The following TRPM5 variants were observed in gnomAD, a reference collection of about 807,000 sequenced individuals.
TRPM5 encodes the protein transient receptor potential cation channel subfamily M member 5.
Under a neutral mutation model 124.9 loss-of-function variants are expected in TRPM5, and 121 were observed. That is an observed-to-expected ratio of 0.97 (90% CI 0.84 to 1.13). TRPM5 has a LOEUF of 1.13. TRPM5 is among the 50% of genes most tolerant of loss of function. The pLI, the probability that TRPM5 is intolerant of heterozygous loss-of-function variation, is 0.00. For missense variants in TRPM5, 1,643 were observed against 1,589.1 expected (o/e 1.03, Z -0.58); for synonymous variants, 781 against 700.5 (o/e 1.11, Z -1.81).
At chr11:2,438,484 G>A in the TRPM5 span, among the ~76,000 whole-genome samples, 1 of 152,094 alleles carries the variant, frequency 6.6e-6, no homozygotes, top group Non-Finnish European at 1.5e-5. This position sits in a 1 kb window ranked among gnomAD's most constrained non-coding sequence, Gnocchi z 5.9. Flanking sequence ...GGCCAATATG[G>A]TGAAAACCCC....
At chr11:2,415,619 G>C (rs1443587472) in intron 8 of TRPM5, 148 bp from the exon 14 acceptor site, 1 of 659,468 alleles carries the variant, frequency 1.5e-6, no homozygotes, top group African/African-American at 1.8e-5. Flanking sequence ...CTGCACCCCA[G>C]CCTGCCCCCT....
At chr11:2,410,831 G>A (rs923856731) in intron 18 of TRPM5, 7 of 375,224 alleles carry the variant, frequency 1.9e-5, no homozygotes, top group East Asian at 7.8e-5. Context: ...GCCAAATGGC[G>A]AAGGGGCCTT....
At chr11:2,407,671 G>T in intron 19 of TRPM5, 88 bp downstream of exon 24, 2 of 1,515,082 alleles carry the variant, frequency 1.3e-6, no homozygotes, top group Non-Finnish European at 1.8e-6. Flanking sequence ...CAGCACACCA[G>T]GTGGGTTGCA....
At chr11:2,431,557 G>T in the TRPM5 span, among the ~76,000 whole-genome samples, 1 of 152,096 alleles carries the variant, frequency 6.6e-6, no homozygotes, top group Non-Finnish European at 1.5e-5. Flanking sequence ...AGCCACCCCT[G>T]GTTCAGTACC....
chr11:2,420,211 G>T lies in TRPM5; in HGVS notation c.649+11C>A, dbSNP rs1407630766. ...CCCAAGGCTTCCCTGGGTGGCTGGG[G>T]CGGGTCTCACCCCCGTAGCCCGCCC... On this transcript the variant is annotated intron_variant, in intron 4 of 23. Transcript: ENST00000155858. 5 of 1,583,574 alleles carry T rather than the reference G, an allele frequency of 3.2e-6. No individual in the cohort carries two copies. Among genetic ancestry groups the T allele is most frequent in the Non-Finnish European group, 4.3e-6 (5 of 1,169,524 alleles).
intron 7 of TRPM5, among the ~76,000 whole-genome samples, chr11:2,416,289 G>A (rs538468516): frequency 6.6e-6 from 1 of 152,322 alleles, no homozygotes; most frequent in African/African-American, 2.4e-5. Context: ...TGCAACGGGG[G>A]TACCCCAGCT....
At chr11:2,439,548 C>G in the TRPM5 span, among the ~76,000 whole-genome samples, 12 of 152,162 alleles carry the variant, frequency 7.9e-5, no homozygotes, top group African/African-American at 2.7e-4. Flanking sequence ...AGGAAGACAT[C>G]CATGCGGTCA....
chr11:2,406,830 A>G (rs754039126), intron 20 of TRPM5, 37 bp from the exon 26 acceptor site: 5 of 1,592,578 alleles, frequency 3.1e-6, no homozygotes, highest in East Asian at 4.5e-5. Context: ...TTACTAGAGC[A>G]TGTGGGCGTC....
At chr11:2,418,116 C>G (rs1235891538) in intron 6 of TRPM5, 51 bp downstream of exon 11, 1 of 1,467,922 alleles carries the variant, frequency 6.8e-7, no homozygotes, top group East Asian at 2.5e-5. Flanking sequence ...AGAGGACCAG[C>G]CCCACCCCCG....
At position 2,413,018 on chromosome 11, in the gene TRPM5, C is replaced by A. The variant is rs1172732136; in HGVS notation, c.2097-6G>T. ...CCTCCACCAGCTCCTCCACCCTGTG[C>A]CGCAGAGAAGTTCGCAGTGGTGAGG... On this transcript the variant is annotated splice_polypyrimidine_tract_variant and splice_region_variant and intron_variant, in intron 14 of 23. Coordinates refer to ENST00000155858, the Ensembl canonical transcript of TRPM5. The A allele has an allele frequency of 3.1e-6, 5 of 1,599,256 alleles. No homozygotes were observed. The African/African-American group carries it at 5.3e-5, about 17-fold the overall frequency.
chr11:2,415,809 G>C, intron 8 of TRPM5, 97 bp downstream of exon 13: 1 of 925,316 alleles, frequency 1.1e-6, no homozygotes, highest in East Asian at 2.6e-5. Context: ...GGGCAGAACG[G>C]GCTCAGCCAA....
rs150311523 is a variant in TRPM5 at position 2,415,532 on chromosome 11, G to C, written c.1129-61C>G. ...AGAGAGTGAGCGAGAGACAGGAGGA[G>C]GGGGTCCAAGGAAGGAGAGAGCAGG... On this transcript the variant is annotated intron_variant, in intron 8 of 23. Coordinates refer to ENST00000155858, the Ensembl canonical transcript of TRPM5. 2.1e-3 allele frequency: 2,482 copies of C among 1,182,814 alleles called. 46 individuals carry two copies. The African/African-American group carries it at 0.034, about 16-fold the overall frequency. The allele number at this position is 1,182,814 out of a possible 1,614,324, so 73.3% of individuals were successfully genotyped here.
At chr11:2,408,012 C>A in intron 18 of TRPM5, 100 bp from the exon 24 acceptor site, 1 of 1,468,754 alleles carries the variant, frequency 6.8e-7, no homozygotes, top group East Asian at 2.4e-5. Flanking sequence ...GGTGTTGAAC[C>A]CAGGGGACGG....
chr11:2,405,937 G>A lies in TRPM5; in HGVS notation c.3324+82C>T, dbSNP rs116130132. Reference sequence around the variant, plus strand: ...GCCTGCCTCATCTCTGTGAGTGACCGGGCAGGGCTGTGGACCCATCCCAGT... The same window carrying A: ...GCCTGCCTCATCTCTGTGAGTGACCAGGCAGGGCTGTGGACCCATCCCAGT... On this transcript the variant is annotated intron_variant, in intron 22 of 23. Coordinates refer to ENST00000155858, the Ensembl canonical transcript of TRPM5. 2.5e-4 allele frequency: 316 copies of A among 1,269,668 alleles called. No homozygotes were observed. In the African/African-American group the frequency reaches 3.0e-3, roughly 12 times the overall value. 78.7% of individuals were successfully genotyped at this position (1,269,668 alleles called of 1,614,324 possible). A position where few individuals can be genotyped will look rare whatever the true frequency, so the allele number is the denominator to read the frequency against.
chr11:2,411,044 G>A (rs1850434298), intron 18 of TRPM5, among the ~76,000 whole-genome samples: 1 of 152,132 alleles, frequency 6.6e-6, no homozygotes, highest in Admixed American at 6.5e-5. Context: ...AAGACTTGCT[G>A]CTTGGCCTCC....
chr11:2,430,275 C>A, the TRPM5 span, among the ~76,000 whole-genome samples: 1 of 147,138 alleles, frequency 6.8e-6, no homozygotes, highest in Admixed American at 6.7e-5. Context: ...TGGGTGCTGG[C>A]TTGCACTCAC....
chr11:2,419,634 A>AG, intron 4 of TRPM5, among the ~76,000 whole-genome samples: 1 of 152,006 alleles, frequency 6.6e-6, no homozygotes, highest in East Asian at 1.9e-4. Context: ...AAAAAAAAAA[A>AG]AAAAAACAGA....
At chr11:2,442,408 C>G in the TRPM5 span, among the ~76,000 whole-genome samples, 1 of 145,276 alleles carries the variant, frequency 6.9e-6, no homozygotes. The surrounding 1 kb of genome is among the most constrained non-coding windows in gnomAD (Gnocchi z 5.9). Flanking sequence ...CACACACACA[C>G]ACACACACAC....
At chr11:2,434,122 A>G in the TRPM5 span, among the ~76,000 whole-genome samples, 5 of 147,370 alleles carry the variant, frequency 3.4e-5, no homozygotes, top group Non-Finnish European at 7.5e-5. Flanking sequence ...GTATGTAGAC[A>G]CTGTGTGTGG....
Sources: gnomAD v4.1 joint callset for allele counts (sites outside exome capture counted in the v4.1 genomes callset) on GRCh38, gnomAD v4.1.1 for gene constraint, Gnocchi (gnomAD v3.1) non-coding constraint, MANE v1.5 for transcripts, NCBI Gene and HGNC (gene_info 2026-07-23, HGNC 2026-07-21) for gene names.